The following ADAM7 variants were observed in gnomAD, a reference collection of about 807,000 sequenced individuals.
ADAM7 encodes ADAM metallopeptidase domain 7.
Under a neutral mutation model 102.9 loss-of-function variants are expected in ADAM7, and 97 were observed. The ratio of observed to expected loss-of-function variants is 0.94; its 90% CI spans 0.80 to 1.12. The LOEUF (loss-of-function observed/expected upper bound fraction) is 1.12. Among genes scored for constraint, ADAM7 ranks in the 50% most tolerant of loss-of-function variants. ADAM7 has a pLI of 0.00. For synonymous variants in ADAM7, 334 were observed against 304.4 expected, an observed-to-expected ratio of 1.10 and a Z score of -1.01; for missense variants, 991 against 908.7, an observed-to-expected ratio of 1.09 and a Z score of -1.16.
rs111573906 is a variant in ADAM7 at position 24,507,810 on chromosome 8, G to A, written c.2264+275G>A. Among the ~76,000 whole-genome samples the A allele has an allele frequency of 2.8e-3, 424 of 152,230 alleles. 1 individual carries two copies. The highest frequency in any genetic ancestry group is 4.7e-3 in the Non-Finnish European group (320 of 68,022). On this transcript the variant is annotated intron_variant, in intron 21 of 21. Transcript: ENST00000175238. ...AGTCTCAATACAGGTTAGGAATAAC[G>A]AAAGCAGCACTATTCTTTCAGACTT...
intron 3 of ADAM7, among the ~76,000 whole-genome samples, chr8:24,454,062 T>G (rs189521846): frequency 2.6e-5 from 4 of 152,148 alleles, no homozygotes; most frequent in Admixed American, 6.5e-5. Flanking sequence ...CTGCCCCTAC[T>G]GGGGGGTGCC....
At chr8:24,490,973 C>G in intron 13 of ADAM7, 85 bp downstream of exon 13, 1 of 1,321,512 alleles carries the variant, frequency 7.6e-7, no homozygotes. Flanking sequence ...CTGGACAGCC[C>G]TGCACCACTG....
intron 3 of ADAM7, among the ~76,000 whole-genome samples, chr8:24,454,669 C>T (rs922444224): frequency 1.2e-4 from 18 of 152,234 alleles, no homozygotes; most frequent in Admixed American, 6.5e-4. Context: ...CACTGTCCTG[C>T]GCCCACTGTC....
intron 20 of ADAM7, among the ~76,000 whole-genome samples, chr8:24,504,868 T>A (rs931570237): frequency 2.1e-4 from 32 of 152,284 alleles, no homozygotes; most frequent in African/African-American, 6.7e-4. Flanking sequence ...ATGTTAGTTA[T>A]CATTTTTATC....
At chr8:24,498,331 T>A (rs1024231625) in intron 16 of ADAM7, among the ~76,000 whole-genome samples, 2 of 151,738 alleles carry the variant, frequency 1.3e-5, no homozygotes, top group South Asian at 2.1e-4. Flanking sequence ...AAATTTCTTA[T>A]CTTGCAAAAG....
intron 3 of ADAM7, among the ~76,000 whole-genome samples, chr8:24,450,430 C>A (rs993226707): frequency 5.3e-5 from 8 of 151,932 alleles, no homozygotes; most frequent in African/African-American, 1.2e-4. Flanking sequence ...TGGGAGTTCA[C>A]TCATGATTTG....
intron 20 of ADAM7, among the ~76,000 whole-genome samples, chr8:24,504,013 C>T (rs1465538043): frequency 1.3e-5 from 2 of 149,782 alleles, no homozygotes; most frequent in Non-Finnish European, 3.0e-5. Flanking sequence ...TATCCCTGAA[C>T]TTCAAGTACA....
chr8:24,493,698 T>A (rs1492402), intron 16 of ADAM7, among the ~76,000 whole-genome samples: 4 of 152,016 alleles, frequency 2.6e-5, no homozygotes, highest in Non-Finnish European at 5.9e-5. Flanking sequence ...GACCAATGTA[T>A]ATTGATGTCT....
intron 3 of ADAM7, among the ~76,000 whole-genome samples, chr8:24,457,133 A>T (rs1296414753): frequency 2.6e-5 from 4 of 152,190 alleles, no homozygotes; most frequent in South Asian, 2.1e-4. Flanking sequence ...ACTTTAAAAA[A>T]TTTTAGCTAT....
chr8:24,446,259 A>G (rs897940552), intron 2 of ADAM7, among the ~76,000 whole-genome samples: 3 of 152,218 alleles, frequency 2.0e-5, no homozygotes, highest in Non-Finnish European at 4.4e-5. Flanking sequence ...TATGAAAACT[A>G]CAAATAACTA....
At chr8:24,471,575 C>T (rs552992383) in intron 7 of ADAM7, among the ~76,000 whole-genome samples, 2 of 151,800 alleles carry the variant, frequency 1.3e-5, no homozygotes, top group African/African-American at 2.4e-5. Flanking sequence ...GTAACATGCT[C>T]TACAGGTTTG....
chr8:24,502,461 G>T (rs1820795252), intron 20 of ADAM7, among the ~76,000 whole-genome samples: 1 of 151,868 alleles, frequency 6.6e-6, no homozygotes, highest in East Asian at 1.9e-4. Context: ...AAATAACAGA[G>T]AAAATGTATT....
chr8:24,499,163 T>A (rs928735016), intron 16 of ADAM7, 73 bp from the exon 17 acceptor site: 3 of 1,165,256 alleles, frequency 2.6e-6, no homozygotes, highest in Non-Finnish European at 3.6e-6. Context: ...GCACTTCACA[T>A]GCATTACATG....
chr8:24,482,301 G>A lies in ADAM7; in HGVS notation c.865G>A (p.Val289Ile), dbSNP rs766329095. 57 of 1,608,486 alleles carry A rather than the reference G, an allele frequency of 3.5e-5. No homozygotes were observed. The highest frequency in any genetic ancestry group is 4.0e-5 in the Non-Finnish European group (47 of 1,178,410). The change falls in exon 9 of 22, where the codon GTA (valine) becomes ATA (isoleucine). Residue 289 changes from valine (V) to isoleucine (I), a missense_variant. Val to Ile is a conservative substitution (Grantham distance 29). Coordinates refer to ENST00000175238, the MANE Select transcript of ADAM7 (RefSeq NM_003817.4). ...LKTRKDFDHV[V>I]LLSGKWLYSH... is the part of the protein sequence containing the mutation. Reference sequence around the variant, plus strand: ...AACACGGAAGGATTTTGATCATGTTGTATTACTCAGGTTGGTGATTGCTCT... The same window carrying A: ...AACACGGAAGGATTTTGATCATGTTATATTACTCAGGTTGGTGATTGCTCT...
chr8:24,453,115 G>A (rs1818864010), intron 3 of ADAM7, among the ~76,000 whole-genome samples: 1 of 151,768 alleles, frequency 6.6e-6, no homozygotes, highest in Non-Finnish European at 1.5e-5. Context: ...TGGTGAATCT[G>A]ACAATTATGT....
At position 24,489,157 on chromosome 8, in the gene ADAM7, A is replaced by G. The variant is rs1237923254; in HGVS notation, c.1092-2A>G. The G allele has an allele frequency of 3.1e-6, 5 of 1,607,256 alleles. No homozygotes were observed. In the East Asian group the frequency reaches 1.1e-4, roughly 36 times the overall value. On this transcript the variant is annotated splice_acceptor_variant, in intron 11 of 21. Transcript: ENST00000175238. LOFTEE classifies it high-confidence loss of function. Reference sequence around the variant, plus strand: ...TTTATTTTTACCTCATTCTATCTCTAGCATTCCTGCACTGAAATTCAGTAA... The same window carrying G: ...TTTATTTTTACCTCATTCTATCTCTGGCATTCCTGCACTGAAATTCAGTAA...
intron 3 of ADAM7, among the ~76,000 whole-genome samples, chr8:24,456,027 G>C (rs1398732806): frequency 6.6e-6 from 1 of 151,686 alleles, no homozygotes; most frequent in East Asian, 1.9e-4. Flanking sequence ...CTATTATTAA[G>C]TAAATTCACC....
Position 24,491,904 on chromosome 8 carries a change from T to C in ADAM7, c.1358T>C (p.Ile453Thr), listed in dbSNP as rs3736281. The change falls in exon 14 of 22, where the codon ATA (isoleucine) becomes ACA (threonine). Residue 453 changes from isoleucine (I) to threonine (T), a missense_variant and splice_region_variant. Physicochemically the swap from Ile to Thr is moderately conservative, Grantham distance 89. Coordinates refer to ENST00000175238, the MANE Select transcript of ADAM7 (RefSeq NM_003817.4). ...AGTCTCTTTGTTTTTCCTCAACAGATAAAAAAAGCAGGGTCCATATGCAGA... is the reference window on the plus strand; with the variant it reads ...AGTCTCTTTGTTTTTCCTCAACAGACAAAAAAAGCAGGGTCCATATGCAGA... ...AEGECCESCQ[I>T]KKAGSICRPA... 29,300 of 1,594,850 alleles carry C rather than the reference T, an allele frequency of 0.018. 992 individuals are homozygous for C. The highest frequency in any genetic ancestry group is 0.15 in the Admixed American group (8,324 of 56,438).
chr8:24,455,116 T>G (rs1036615257), intron 3 of ADAM7, among the ~76,000 whole-genome samples: 17 of 152,128 alleles, frequency 1.1e-4, no homozygotes, highest in Non-Finnish European at 2.5e-4. Flanking sequence ...ACCTGTTGCA[T>G]CTAGTTAATG....
Sources: gnomAD v4.1 joint callset for allele counts (sites outside exome capture counted in the v4.1 genomes callset) on GRCh38, gnomAD v4.1.1 for gene constraint, MANE v1.5 for transcripts, NCBI Gene and HGNC (gene_info 2026-07-23, HGNC 2026-07-21) for gene names.